Variants in PRKCB observed in about 807,000 individuals in gnomAD.
The protein encoded by PRKCB is protein kinase C beta type.
Under a neutral mutation model 81.5 loss-of-function variants are expected in PRKCB, and 13 were observed. The ratio of observed to expected loss-of-function variants is 0.16; its 90% CI spans 0.10 to 0.25. PRKCB has a LOEUF of 0.25. Among genes scored for constraint, PRKCB ranks in the 10% least tolerant of loss-of-function variants. PRKCB has a pLI of 1.00. For missense variants in PRKCB, 509 were observed against 875.7 expected, an observed-to-expected ratio of 0.58 and a Z score of 5.29; for synonymous variants, 335 against 321.4, an observed-to-expected ratio of 1.04 and a Z score of -0.45.
At chr16:24,105,475 A>T (rs570502792) in intron 7 of PRKCB, among the ~76,000 whole-genome samples, 1 of 152,132 alleles carries the variant, frequency 6.6e-6, no homozygotes, top group East Asian at 1.9e-4. Context: ...TCAACCTGTC[A>T]TCTAGATTTC....
Position 23,988,575 on chromosome 16 carries a change from G to A in PRKCB, c.273G>A (p.Lys91=), listed in dbSNP as rs987653457. The change falls in exon 3 of 17, where the codon AAG becomes AAA. Residue 91 remains lysine (K), a synonymous_variant. Transcript: ENST00000643927. ...FVTFSCPGAD[K]GPASDDPRSK... ...CATTCTCCTGCCCTGGCGCTGACAA[G>A]GGTCCAGCCTCCGATGTAAGTAATG... 2 of 1,614,082 alleles carry A rather than the reference G, an allele frequency of 1.2e-6. No homozygotes were observed. The highest frequency in any genetic ancestry group is 8.5e-7 in the Non-Finnish European group (1 of 1,179,944).
At chr16:24,103,401 C>A (rs1966533920) in intron 7 of PRKCB, among the ~76,000 whole-genome samples, 1 of 152,020 alleles carries the variant, frequency 6.6e-6, no homozygotes, top group Admixed American at 6.6e-5. Context: ...GAGAATATGG[C>A]CTGTGCACTT....
At chr16:24,212,975 T>C (rs892909429) in intron 16 of PRKCB, among the ~76,000 whole-genome samples, 3 of 152,092 alleles carry the variant, frequency 2.0e-5, no homozygotes, top group African/African-American at 2.4e-5. Flanking sequence ...CTTCATTAGT[T>C]AGTCAGCCAC....
At chr16:24,000,482 G>A (rs906691020) in intron 3 of PRKCB, among the ~76,000 whole-genome samples, 1 of 152,094 alleles carries the variant, frequency 6.6e-6, no homozygotes. Flanking sequence ...GAAAACTTGG[G>A]CATGTCGTTC....
At chr16:24,090,475 T>C (rs904967863) in intron 5 of PRKCB, among the ~76,000 whole-genome samples, 1 of 152,096 alleles carries the variant, frequency 6.6e-6, no homozygotes, top group African/African-American at 2.4e-5. Context: ...GGTATTTGAA[T>C]TTAAGTAGGG....
chr16:24,096,666 A>AAAATATATATATAT (rs1406204037), intron 7 of PRKCB, among the ~76,000 whole-genome samples: 11 of 32,674 alleles, frequency 3.4e-4, no homozygotes, highest in Admixed American at 8.8e-4. Flanking sequence ...AAAAAAAAAA[A>AAAATATATATATAT]ATATATATAT....
At chr16:24,054,680 C>G (rs971291836) in intron 5 of PRKCB, among the ~76,000 whole-genome samples, 1 of 152,162 alleles carries the variant, frequency 6.6e-6, no homozygotes, top group Non-Finnish European at 1.5e-5. Flanking sequence ...GGAAAAGGTT[C>G]TTTTCTGTGG....
chr16:24,169,117 G>A (rs1336831988), intron 10 of PRKCB, among the ~76,000 whole-genome samples: 1 of 151,966 alleles, frequency 6.6e-6, no homozygotes, highest in Non-Finnish European at 1.5e-5. Flanking sequence ...CAAGGCTCAG[G>A]GATGTAAAAT....
At chr16:23,916,740 CAT>C (rs1436515245) in intron 2 of PRKCB, among the ~76,000 whole-genome samples, 1 of 152,082 alleles carries the variant, frequency 6.6e-6, no homozygotes, top group African/African-American at 2.4e-5. Context: ...GTGTTTGTTC[CAT>C]GTCAGTGCAT....
At chr16:24,104,288 C>T (rs1966548633) in intron 7 of PRKCB, among the ~76,000 whole-genome samples, 1 of 152,132 alleles carries the variant, frequency 6.6e-6, no homozygotes, top group Non-Finnish European at 1.5e-5. Flanking sequence ...ATTATATTGA[C>T]ATGAAGTTAT....
chr16:24,101,283 A>G (rs2141907939), intron 7 of PRKCB, among the ~76,000 whole-genome samples: 1 of 152,320 alleles, frequency 6.6e-6, no homozygotes, highest in South Asian at 2.1e-4. Context: ...GTGGTGGCTC[A>G]TATCTGTAAT....
At chr16:24,133,476 C>G (rs188095029) in intron 9 of PRKCB, among the ~76,000 whole-genome samples, 1 of 152,184 alleles carries the variant, frequency 6.6e-6, no homozygotes, top group South Asian at 2.1e-4. Context: ...CAGGCTTCAG[C>G]CTTATGGGAG....
intron 2 of PRKCB, chr16:23,869,212 A>G (rs1232519911): frequency 4.6e-6 from 2 of 435,934 alleles, no homozygotes; most frequent in Non-Finnish European, 9.3e-6. Flanking sequence ...TTGAGAAGCT[A>G]TTGTGTGGTT....
chr16:23,862,237 C>T (rs566068711), intron 2 of PRKCB, among the ~76,000 whole-genome samples: 2 of 152,334 alleles, frequency 1.3e-5, no homozygotes, highest in East Asian at 3.9e-4. Context: ...GACACCAGCT[C>T]AGATGTCAGT....
chr16:23,999,419 C>T (rs1965003221), intron 3 of PRKCB, among the ~76,000 whole-genome samples: 1 of 152,242 alleles, frequency 6.6e-6, no homozygotes, highest in African/African-American at 2.4e-5. Context: ...GCTATGTTCA[C>T]ATCATATCAC....
intron 9 of PRKCB, among the ~76,000 whole-genome samples, chr16:24,135,132 C>T (rs1449539323): frequency 6.6e-6 from 1 of 151,640 alleles, no homozygotes; most frequent in East Asian, 1.9e-4. Flanking sequence ...GGGCCCTGAG[C>T]ACTGTGCCTG....
intron 7 of PRKCB, among the ~76,000 whole-genome samples, chr16:24,105,066 T>TA (rs549897440): frequency 9.2e-5 from 14 of 151,630 alleles, no homozygotes; most frequent in Non-Finnish European, 1.8e-4. Context: ...TTTTTTTTTT[T>TA]TTATTTTTGA....
intron 3 of PRKCB, among the ~76,000 whole-genome samples, chr16:23,999,424 T>G (rs1400697252): frequency 6.6e-6 from 1 of 152,244 alleles, no homozygotes; most frequent in Non-Finnish European, 1.5e-5. Context: ...GTTCACATCA[T>G]ATCACATTGA....
chr16:24,194,408 G>T (rs1967849363), intron 16 of PRKCB, among the ~76,000 whole-genome samples: 1 of 151,746 alleles, frequency 6.6e-6, no homozygotes, highest in South Asian at 2.1e-4. Context: ...ACAAATTTTT[G>T]AAAATTAAAC....
Sources: gnomAD v4.1 joint callset for allele counts (sites outside exome capture counted in the v4.1 genomes callset) on GRCh38, gnomAD v4.1.1 for gene constraint, MANE v1.5 for transcripts, NCBI Gene and HGNC (gene_info 2026-07-23, HGNC 2026-07-21) for gene names.